KALRN: variants seen among roughly 807,000 people sequenced by gnomAD.
The protein encoded by KALRN is kalirin RhoGEF kinase.
KALRN carries 70 observed loss-of-function variants against 353.7 expected under a neutral mutation model. That is an observed-to-expected ratio of 0.20 (90% CI 0.16 to 0.24). The LOEUF (loss-of-function observed/expected upper bound fraction) is 0.24. KALRN is among the 10% of genes least tolerant of loss of function. The pLI is 1.00. For missense variants in KALRN, 2,791 were observed against 3,756.7 expected, an observed-to-expected ratio of 0.74 and a Z score of 6.72; for synonymous variants, 1,391 against 1,434.8, an observed-to-expected ratio of 0.97 and a Z score of 0.69.
At chr3:124,312,990 C>T (rs1184978641) in intron 6 of KALRN, among the ~76,000 whole-genome samples, 4 of 152,190 alleles carry the variant, frequency 2.6e-5, no homozygotes, top group Non-Finnish European at 1.5e-5. Flanking sequence ...CAACCCTGAA[C>T]ACTATTTGAG....
intron 33 of KALRN, among the ~76,000 whole-genome samples, chr3:124,527,488 A>G (rs2067687445): frequency 4.6e-5 from 7 of 152,044 alleles, no homozygotes; most frequent in Admixed American, 3.9e-4. Flanking sequence ...ACACACCTGT[A>G]GTCCCAGCTA....
intron 1 of KALRN, among the ~76,000 whole-genome samples, chr3:124,062,704 T>C (rs911045886): frequency 6.6e-6 from 1 of 152,226 alleles, no homozygotes; most frequent in Admixed American, 6.5e-5. Context: ...CTTAGAAAAA[T>C]GGAGGCCTAA....
At chr3:124,308,808 A>T (rs987724717) in intron 6 of KALRN, among the ~76,000 whole-genome samples, 2 of 151,834 alleles carry the variant, frequency 1.3e-5, no homozygotes, top group African/African-American at 4.8e-5. Flanking sequence ...AAAGGAAATA[A>T]TAAAGATTAG....
At chr3:124,654,809 T>A (rs1278776016) in intron 38 of KALRN, among the ~76,000 whole-genome samples, 6 of 151,626 alleles carry the variant, frequency 4.0e-5, no homozygotes, top group Non-Finnish European at 7.4e-5. Context: ...TCTCTGCATT[T>A]TCATTTATAT....
chr3:124,076,881 T>C (rs2060286775), intron 1 of KALRN, among the ~76,000 whole-genome samples: 1 of 152,220 alleles, frequency 6.6e-6, no homozygotes, highest in South Asian at 2.1e-4. Context: ...AAATATGCAC[T>C]TTCTTTGTGA....
intron 34 of KALRN, among the ~76,000 whole-genome samples, chr3:124,590,234 T>G (rs768753891): frequency 7.2e-5 from 11 of 152,104 alleles, no homozygotes; most frequent in Non-Finnish European, 1.3e-4. Flanking sequence ...TGACTGCCAG[T>G]CAAACCACAG....
chr3:124,098,385 C>T (rs950622521), intron 1 of KALRN, among the ~76,000 whole-genome samples: 1 of 152,188 alleles, frequency 6.6e-6, no homozygotes, highest in Non-Finnish European at 1.5e-5. Flanking sequence ...GCTCTCTCTT[C>T]GTTCCTACCT....
At chr3:124,191,252 C>T (rs780568715) in intron 1 of KALRN, among the ~76,000 whole-genome samples, 9 of 151,790 alleles carry the variant, frequency 5.9e-5, no homozygotes, top group South Asian at 2.1e-4. Context: ...TGTATAGGCA[C>T]GACTGACTAA....
intron 1 of KALRN, among the ~76,000 whole-genome samples, chr3:124,043,405 C>T (rs1258519155): frequency 6.6e-6 from 1 of 151,914 alleles, no homozygotes; most frequent in Non-Finnish European, 1.5e-5. Flanking sequence ...GAGGAAGAGA[C>T]TTAATATTTA....
intron 23 of KALRN, 28 bp from the exon 24 acceptor site, chr3:124,461,862 A>G: frequency 6.4e-7 from 1 of 1,566,540 alleles, no homozygotes; most frequent in Non-Finnish European, 8.8e-7. Context: ...ATCTATATCC[A>G]AGTAAAAGCC....
At chr3:124,610,377 A>C (rs2077798679) in intron 34 of KALRN, among the ~76,000 whole-genome samples, 1 of 152,166 alleles carries the variant, frequency 6.6e-6, no homozygotes, top group Non-Finnish European at 1.5e-5. Flanking sequence ...AGAGAAAAGG[A>C]ACTAGGGGGC....
intron 4 of KALRN, among the ~76,000 whole-genome samples, chr3:124,267,637 G>T (rs928851501): frequency 6.6e-5 from 10 of 152,222 alleles, no homozygotes; most frequent in Admixed American, 5.2e-4. Flanking sequence ...CATTGTTCCA[G>T]ACCAGTCCTC....
chr3:124,075,746 C>T (rs1194227957), intron 1 of KALRN, among the ~76,000 whole-genome samples: 1 of 152,196 alleles, frequency 6.6e-6, no homozygotes, highest in East Asian at 1.9e-4. Flanking sequence ...TTAATAATCT[C>T]GCTCTCTTTC....
chr3:124,425,077 G>C (rs1347074729), intron 15 of KALRN, among the ~76,000 whole-genome samples: 1 of 152,154 alleles, frequency 6.6e-6, no homozygotes, highest in Non-Finnish European at 1.5e-5. Flanking sequence ...TAAAAAGGTT[G>C]ATCTCATAGA....
At chr3:124,571,036 T>A (rs2073455369) in intron 34 of KALRN, among the ~76,000 whole-genome samples, 1 of 152,160 alleles carries the variant, frequency 6.6e-6, no homozygotes, top group Non-Finnish European at 1.5e-5. Context: ...TGCACTGAAA[T>A]CCAAACACTT....
intron 1 of KALRN, among the ~76,000 whole-genome samples, chr3:124,081,305 GAAAAAATAAGCTGTCCACTCCC>G (rs2060531364): frequency 6.6e-6 from 1 of 152,118 alleles, no homozygotes; most frequent in Non-Finnish European, 1.5e-5. Context: ...AAGATATCAA[GAAAAAATAAGCTGTCCACTCCC>G]AGTTGCCTGT....
chr3:124,679,723 T>A, intron 51 of KALRN: 1 of 647,834 alleles, frequency 1.5e-6, no homozygotes, highest in Non-Finnish European at 2.8e-6. Flanking sequence ...TAGATTTTTT[T>A]AAAAAACAAA....
At chr3:124,311,521 C>A (rs2149307068) in intron 6 of KALRN, among the ~76,000 whole-genome samples, 1 of 151,972 alleles carries the variant, frequency 6.6e-6, no homozygotes, top group East Asian at 1.9e-4. Context: ...ATGGAGAAGT[C>A]AGAATGCTCA....
chr3:124,231,203 T>C (rs901470519), intron 2 of KALRN, among the ~76,000 whole-genome samples: 7 of 152,246 alleles, frequency 4.6e-5, no homozygotes, highest in Non-Finnish European at 1.0e-4. Flanking sequence ...GATTTGGGGC[T>C]GTCCCTCAGT....
Sources: gnomAD v4.1 joint callset for allele counts (sites outside exome capture counted in the v4.1 genomes callset) on GRCh38, gnomAD v4.1.1 for gene constraint, MANE v1.5 for transcripts, NCBI Gene and HGNC (gene_info 2026-07-23, HGNC 2026-07-21) for gene names.